The following UBASH3B variants were observed in gnomAD, a reference collection of about 807,000 sequenced individuals.
UBASH3B encodes the protein ubiquitin associated and SH3 domain containing B.
A neutral mutation model predicts 83.4 loss-of-function variants in UBASH3B; 37 were observed. That is an observed-to-expected ratio of 0.44 (90% CI 0.34 to 0.58). The LOEUF is 0.58. Ranked by LOEUF, UBASH3B falls within the 20% of genes least tolerant of loss-of-function variation. The probability of loss-of-function intolerance (pLI) is 0.01; values close to 1 mark genes in which losing one functional copy is unlikely to be tolerated. For missense variants in UBASH3B, 657 were observed against 827.2 expected, an observed-to-expected ratio of 0.79 and a Z score of 2.52; for synonymous variants, 304 against 318.3, an observed-to-expected ratio of 0.96 and a Z score of 0.48.
chr11:122,785,506 A>G (rs1860931741), intron 5 of UBASH3B, among the ~76,000 whole-genome samples: 1 of 152,184 alleles, frequency 6.6e-6, no homozygotes, highest in African/African-American at 2.4e-5. Context: ...TCTGCTATTT[A>G]GATTCTCACT....
intron 1 of UBASH3B, among the ~76,000 whole-genome samples, chr11:122,675,420 T>C (rs980702644): frequency 6.6e-6 from 1 of 152,236 alleles, no homozygotes; most frequent in African/African-American, 2.4e-5. Flanking sequence ...CTCAGCGTTC[T>C]GTGGCAGTTC....
chr11:122,783,630 A>G (rs1035030561), intron 5 of UBASH3B, among the ~76,000 whole-genome samples: 30 of 152,190 alleles, frequency 2.0e-4, no homozygotes, highest in Non-Finnish European at 2.8e-4. Context: ...ACAAAACAAA[A>G]AACAAAAACA....
At chr11:122,709,974 G>T (rs1028318791) in intron 1 of UBASH3B, among the ~76,000 whole-genome samples, 2 of 151,952 alleles carry the variant, frequency 1.3e-5, no homozygotes, top group Non-Finnish European at 2.9e-5. Context: ...TGGCCAACAT[G>T]GTGAAAGCCC....
At chr11:122,748,392 G>A (rs1484293032) in intron 1 of UBASH3B, among the ~76,000 whole-genome samples, 1 of 152,156 alleles carries the variant, frequency 6.6e-6, no homozygotes, top group Non-Finnish European at 1.5e-5. Context: ...CATACCTCCA[G>A]TCTGGTTTCA....
chr11:122,773,997 A>T, intron 1 of UBASH3B: 1 of 985,168 alleles, frequency 1.0e-6, no homozygotes, highest in Non-Finnish European at 1.2e-6. Context: ...AATTCCTCAG[A>T]GATTCTAACC....
chr11:122,723,032 G>A (rs922403493), intron 1 of UBASH3B, among the ~76,000 whole-genome samples: 1 of 152,180 alleles, frequency 6.6e-6, no homozygotes. Context: ...TCGCCATGGG[G>A]CTATAATACT....
chr11:122,671,362 C>T (rs1328111704), intron 1 of UBASH3B, among the ~76,000 whole-genome samples: 1 of 152,126 alleles, frequency 6.6e-6, no homozygotes, highest in East Asian at 1.9e-4. Flanking sequence ...CCCATCTCTA[C>T]AAAAAATGCA....
chr11:122,797,047 A>C lies in UBASH3B; in HGVS notation c.1357+14A>C. ...CAAGACTAGTGGGTAAGTATCCTGGAGTGACTGCACTCCAGGCATTTCTTG... is the reference window on the plus strand; with the variant it reads ...CAAGACTAGTGGGTAAGTATCCTGGCGTGACTGCACTCCAGGCATTTCTTG... On this transcript the variant is annotated intron_variant, in intron 9 of 13. Transcript: ENST00000284273. 1 of 1,587,210 alleles carries C rather than the reference A, an allele frequency of 6.3e-7. No individual in the cohort carries two copies. Among genetic ancestry groups the C allele is most frequent in the South Asian group, 1.1e-5 (1 of 87,164 alleles).
At chr11:122,700,615 G>C (rs1202699981) in intron 1 of UBASH3B, among the ~76,000 whole-genome samples, 3 of 149,880 alleles carry the variant, frequency 2.0e-5, no homozygotes, top group African/African-American at 7.4e-5. Context: ...TCCTGCCTCA[G>C]CCTCCCCAGT....
Position 122,656,093 on chromosome 11 carries a change from G to A in UBASH3B, c.44G>A (p.Arg15Lys), listed in dbSNP as rs1385606963. The change falls in exon 1 of 14, where the codon AGA becomes AAA. Residue 15 changes from arginine to lysine, a missense_variant. Around this residue, in one of 3 missense-constraint regions of UBASH3B, gnomAD observed 78 missense variants for 68.4 expected, o/e 1.14. Coordinates refer to ENST00000284273, the MANE Select transcript of UBASH3B (RefSeq NM_032873.5). ...CCCAGTCCGCTCGGCATGGCTGCGA[G>A]AGAGGAGCTGTACAGCAAAGTCACC... ...GHPSPLGMAA[R>K]EELYSKVTPR... 6.2e-7 allele frequency: 1 copy of A among 1,602,172 alleles called. No homozygotes were observed. Among genetic ancestry groups the A allele is most frequent in the Admixed American group, 1.7e-5 (1 of 59,114 alleles).
At chr11:122,667,885 A>T (rs145951649) in intron 1 of UBASH3B, among the ~76,000 whole-genome samples, 2 of 152,326 alleles carry the variant, frequency 1.3e-5, no homozygotes, top group East Asian at 3.9e-4. Context: ...CTAGTCTGTG[A>T]TAGAAACCAG....
At chr11:122,688,333 G>A (rs1449006054) in intron 1 of UBASH3B, among the ~76,000 whole-genome samples, 1 of 151,650 alleles carries the variant, frequency 6.6e-6, no homozygotes, top group Non-Finnish European at 1.5e-5. Context: ...GCACGATCTC[G>A]GCTCACTGTA....
intron 3 of UBASH3B, among the ~76,000 whole-genome samples, chr11:122,778,206 TTC>T (rs369604009): frequency 2.0e-5 from 3 of 152,200 alleles, no homozygotes; most frequent in African/African-American, 7.2e-5. Context: ...CCCAGATATA[TTC>T]TCTCTCTTTT....
At chr11:122,660,289 C>T (rs1043649393) in intron 1 of UBASH3B, among the ~76,000 whole-genome samples, 1 of 152,040 alleles carries the variant, frequency 6.6e-6, no homozygotes, top group African/African-American at 2.4e-5. Context: ...CGTGTGCGCT[C>T]GTGTGCAAGT....
intron 1 of UBASH3B, among the ~76,000 whole-genome samples, chr11:122,733,745 G>A (rs1382742891): frequency 6.6e-6 from 1 of 152,184 alleles, no homozygotes; most frequent in Non-Finnish European, 1.5e-5. Flanking sequence ...GTATAGCACT[G>A]CATGAACTCA....
intron 1 of UBASH3B, among the ~76,000 whole-genome samples, chr11:122,703,373 G>A (rs941046555): frequency 6.6e-6 from 1 of 151,920 alleles, no homozygotes; most frequent in Non-Finnish European, 1.5e-5. Flanking sequence ...GTTGCAGTGG[G>A]CCGAGATTGT....
At chr11:122,797,640 G>A (rs749792645) in intron 9 of UBASH3B, among the ~76,000 whole-genome samples, 28 of 152,162 alleles carry the variant, frequency 1.8e-4, no homozygotes, top group Admixed American at 2.0e-4. Flanking sequence ...TGTATTGATT[G>A]CATGCATCCA....
At chr11:122,681,269 A>T (rs1863734508) in intron 1 of UBASH3B, among the ~76,000 whole-genome samples, 1 of 152,228 alleles carries the variant, frequency 6.6e-6, no homozygotes, top group African/African-American at 2.4e-5. Flanking sequence ...GACAAAATCC[A>T]AGACGTTGAT....
At chr11:122,662,436 T>C (rs1863458021) in intron 1 of UBASH3B, among the ~76,000 whole-genome samples, 1 of 150,986 alleles carries the variant, frequency 6.6e-6, no homozygotes, top group Non-Finnish European at 1.5e-5. Context: ...TCTTTTCTTT[T>C]TTTTTTTTTT....
Sources: gnomAD v4.1 joint callset for allele counts (sites outside exome capture counted in the v4.1 genomes callset) on GRCh38, gnomAD v4.1.1 for gene constraint, gnomAD v4.1.1 regional missense constraint, MANE v1.5 for transcripts, NCBI Gene and HGNC (gene_info 2026-07-23, HGNC 2026-07-21) for gene names.